The following RNF220 variants were observed in gnomAD, a reference collection of about 807,000 sequenced individuals.
The protein encoded by RNF220 is E3 ubiquitin-protein ligase RNF220.
A neutral mutation model predicts 67.1 loss-of-function variants in RNF220; 7 were observed. That is an observed-to-expected ratio of 0.10 (90% CI 0.06 to 0.20). The LOEUF is 0.20. RNF220 is among the 10% of genes least tolerant of loss of function. The pLI is 1.00. For synonymous variants in RNF220, 270 were observed against 283.2 expected (o/e 0.95, Z 0.47); for missense variants, 565 against 740.3 (o/e 0.76, Z 2.75).
Position 44,461,924 on chromosome 1 carries a change from G to GTTTTTTTTTTT in RNF220, c.625+49213_625+49223dup, listed in dbSNP as rs201661366. On this transcript the variant is annotated intron_variant, in intron 2 of 14. Coordinates refer to ENST00000361799, the MANE Select transcript of RNF220 (RefSeq NM_018150.4). ...TATTTTTTTCTTTTCTTTTTTCTTT[G>GTTTTTTTTTTT]TTTTTTTTTTTTTTTTTTTTTGAGC... Among the ~76,000 whole-genome samples the GTTTTTTTTTTT allele has an allele frequency of 1.2e-4, 15 of 123,562 alleles. 2 individuals are homozygous for GTTTTTTTTTTT. Among genetic ancestry groups the GTTTTTTTTTTT allele is most frequent in the East Asian group, 4.8e-4 (2 of 4,144 alleles). 81.1% of individuals were successfully genotyped at this position (123,562 alleles called of 152,430 possible).
chr1:44,464,993 G>C (rs554160637), intron 2 of RNF220, among the ~76,000 whole-genome samples: 1 of 152,228 alleles, frequency 6.6e-6, no homozygotes, highest in African/African-American at 2.4e-5. Context: ...AGAGTGTCTG[G>C]ATGGCAAGAA....
At chr1:44,466,540 T>C (rs918495214) in intron 2 of RNF220, among the ~76,000 whole-genome samples, 1 of 152,236 alleles carries the variant, frequency 6.6e-6, no homozygotes, top group African/African-American at 2.4e-5. Flanking sequence ...ATAGCAGATA[T>C]AGCCTTACAA....
chr1:44,434,737 TTGGC>T (rs1650778711), intron 2 of RNF220, among the ~76,000 whole-genome samples: 1 of 151,770 alleles, frequency 6.6e-6, no homozygotes, highest in Non-Finnish European at 1.5e-5. Flanking sequence ...AAAGATTACT[TTGGC>T]TGTTGCGTGA....
At chr1:44,635,935 C>CCA (rs1277518563) in intron 7 of RNF220, 95 bp from the exon 8 acceptor site, 34 of 1,581,496 alleles carry the variant, frequency 2.1e-5, no homozygotes, top group Non-Finnish European at 2.6e-5. Flanking sequence ...ACTTGGCACA[C>CCA]CACAGCTGGG....
At chr1:44,640,575 C>A (rs571512252) in intron 8 of RNF220, among the ~76,000 whole-genome samples, 1 of 152,374 alleles carries the variant, frequency 6.6e-6, no homozygotes, top group Admixed American at 6.5e-5. Flanking sequence ...TGCGTCTCTC[C>A]TGACGTGAGG....
At chr1:44,539,232 A>ATAAATAAG (rs1661488046) in intron 2 of RNF220, among the ~76,000 whole-genome samples, 1 of 152,112 alleles carries the variant, frequency 6.6e-6, no homozygotes, top group African/African-American at 2.4e-5. Context: ...AAATAAATAA[A>ATAAATAAG]TAAATAAATA....
intron 2 of RNF220, among the ~76,000 whole-genome samples, chr1:44,552,849 G>A (rs1448014810): frequency 2.0e-5 from 3 of 151,988 alleles, no homozygotes; most frequent in Admixed American, 6.6e-5. Flanking sequence ...GATTACAGGC[G>A]TGAGCCACTG....
chr1:44,564,988 C>T (rs1663881468), intron 2 of RNF220, among the ~76,000 whole-genome samples: 1 of 152,036 alleles, frequency 6.6e-6, no homozygotes, highest in Non-Finnish European at 1.5e-5. Flanking sequence ...AACTCTTTAT[C>T]CCCTGCACAT....
intron 2 of RNF220, among the ~76,000 whole-genome samples, chr1:44,503,684 G>A (rs1257662015): frequency 6.6e-6 from 1 of 152,206 alleles, no homozygotes; most frequent in East Asian, 1.9e-4. Context: ...CTGAGGTGAA[G>A]AGAAGGCATT....
chr1:44,539,062 A>C (rs1361282731), intron 2 of RNF220, among the ~76,000 whole-genome samples: 7 of 152,110 alleles, frequency 4.6e-5, no homozygotes, highest in African/African-American at 1.7e-4. Context: ...CTCTACTAAA[A>C]ATACAAAAAT....
intron 2 of RNF220, among the ~76,000 whole-genome samples, chr1:44,540,071 T>C (rs1661556383): frequency 6.6e-6 from 1 of 152,190 alleles, no homozygotes; most frequent in Non-Finnish European, 1.5e-5. Context: ...ATCCATCATT[T>C]AAAGGCATTC....
intron 2 of RNF220, among the ~76,000 whole-genome samples, chr1:44,513,574 G>C (rs1022936223): frequency 6.6e-6 from 1 of 152,186 alleles, no homozygotes; most frequent in African/African-American, 2.4e-5. Flanking sequence ...CCTTCCAGAC[G>C]GGGGGAGAAG....
chr1:44,498,482 T>C (rs1322245187), intron 2 of RNF220, among the ~76,000 whole-genome samples: 1 of 152,120 alleles, frequency 6.6e-6, no homozygotes, highest in African/African-American at 2.4e-5. Context: ...TAAGTAAACT[T>C]TCAAAAATAC....
chr1:44,430,036 G>C (rs1229768036), intron 2 of RNF220, among the ~76,000 whole-genome samples: 2 of 149,316 alleles, frequency 1.3e-5, no homozygotes, highest in Admixed American at 6.7e-5. Context: ...AAATGAGTTA[G>C]AGCCGTAAGT....
intron 2 of RNF220, among the ~76,000 whole-genome samples, chr1:44,571,768 G>C (rs1664463500): frequency 6.6e-6 from 1 of 152,198 alleles, no homozygotes. Flanking sequence ...TGTGTCGTAT[G>C]TCTAACACAC....
chr1:44,523,975 T>C (rs1335514238), intron 2 of RNF220, among the ~76,000 whole-genome samples: 3 of 152,098 alleles, frequency 2.0e-5, no homozygotes, highest in Non-Finnish European at 4.4e-5. Context: ...AGCAGCGGCA[T>C]TGTGAGTCGA....
chr1:44,482,821 A>G (rs915700464), intron 2 of RNF220, among the ~76,000 whole-genome samples: 1 of 148,258 alleles, frequency 6.7e-6, no homozygotes, highest in African/African-American at 2.5e-5. Flanking sequence ...GGGTTTCACT[A>G]TGTTGGCCAG....
At chr1:44,612,605 C>T (rs1292684229) in intron 2 of RNF220, among the ~76,000 whole-genome samples, 2 of 152,078 alleles carry the variant, frequency 1.3e-5, no homozygotes, top group East Asian at 3.8e-4. Context: ...TTGAGGCTTC[C>T]TCAAGTACAA....
chr1:44,507,380 C>A (rs1376558041), intron 2 of RNF220, among the ~76,000 whole-genome samples: 1 of 152,098 alleles, frequency 6.6e-6, no homozygotes, highest in Non-Finnish European at 1.5e-5. Flanking sequence ...CTCTCCAGAG[C>A]CTAGTAACTC....
Sources: gnomAD v4.1 joint callset for allele counts (sites outside exome capture counted in the v4.1 genomes callset) on GRCh38, gnomAD v4.1.1 for gene constraint, MANE v1.5 for transcripts, NCBI Gene and HGNC (gene_info 2026-07-23, HGNC 2026-07-21) for gene names.